COL23A1: variants seen among roughly 807,000 people sequenced by gnomAD.
The protein encoded by COL23A1 is collagen alpha-1(XXIII) chain.
Under a neutral mutation model 99.3 loss-of-function variants are expected in COL23A1, and 97 were observed. That is an observed-to-expected ratio of 0.98 (90% CI 0.83 to 1.16). The LOEUF (loss-of-function observed/expected upper bound fraction) is 1.16. Among genes scored for constraint, COL23A1 ranks in the 50% most tolerant of loss-of-function variants. The probability of loss-of-function intolerance (pLI) is 0.00; values close to 1 mark genes in which losing one functional copy is unlikely to be tolerated. For synonymous variants in COL23A1, 320 were observed against 308.2 expected, an observed-to-expected ratio of 1.04 and a Z score of -0.40; for missense variants, 762 against 757.4, an observed-to-expected ratio of 1.01 and a Z score of -0.07.
chr5:178,464,990 G>A lies in COL23A1; in HGVS notation c.361+95692C>T, dbSNP rs116714720. ...AACAACGCCTTGTAAATGACAACAC[G>A]GTTTTGATGCATGATCATTAACATG... On this transcript the variant is annotated intron_variant, in intron 2 of 28. Transcript: ENST00000390654. Among the ~76,000 whole-genome samples the A allele has an allele frequency of 6.2e-3, 943 of 152,268 alleles. 14 individuals are homozygous for A. Among genetic ancestry groups the A allele is most frequent in the African/African-American group, 0.022 (894 of 41,536 alleles).
intron 2 of COL23A1, among the ~76,000 whole-genome samples, chr5:178,513,967 G>A (rs1053042315): frequency 1.3e-5 from 2 of 151,996 alleles, no homozygotes; most frequent in Non-Finnish European, 2.9e-5. Flanking sequence ...GCACATTCAC[G>A]TTGTTTTGCC....
At chr5:178,328,257 T>C (rs920624310) in intron 2 of COL23A1, among the ~76,000 whole-genome samples, 1 of 152,158 alleles carries the variant, frequency 6.6e-6, no homozygotes, top group African/African-American at 2.4e-5. Flanking sequence ...CCCCTGTCCC[T>C]GTCCACACGC....
rs1020810846 is a variant in COL23A1, at chr5:178,490,108, C to T, written c.361+70574G>A. ...AAAGTTAGCTGGGTGTGGTGGTGGG[C>T]GCCTGTACTCAGGAGGCTGAGGCAG... is the stretch of plus-strand genomic sequence containing the variant. On this transcript the variant is annotated intron_variant, in intron 2 of 28. Transcript: ENST00000390654. Among the ~76,000 whole-genome samples, 20 of 151,822 alleles carry T rather than the reference C, an allele frequency of 1.3e-4. 1 individual carries two copies. Among genetic ancestry groups the T allele is most frequent in the Non-Finnish European group, 1.9e-4 (13 of 67,964 alleles).
intron 2 of COL23A1, among the ~76,000 whole-genome samples, chr5:178,416,116 C>T (rs138861224): frequency 2.9e-3 from 436 of 151,374 alleles, no homozygotes; most frequent in Non-Finnish European, 4.8e-3. Flanking sequence ...CATTCATTCG[C>T]TCGTTGACTA....
At chr5:178,379,969 A>G (rs1763290398) in intron 2 of COL23A1, among the ~76,000 whole-genome samples, 1 of 152,264 alleles carries the variant, frequency 6.6e-6, no homozygotes, top group Middle Eastern at 3.4e-3. Context: ...AGATGAGGAA[A>G]CTGAAGGTCA....
chr5:178,365,424 G>A lies in COL23A1; in HGVS notation c.362-58505C>T, dbSNP rs1017998750. Among the ~76,000 whole-genome samples, 10 of 152,050 alleles carry A rather than the reference G, an allele frequency of 6.6e-5. No individual in the cohort carries two copies. The highest frequency in any genetic ancestry group is 1.5e-4 in the Non-Finnish European group (10 of 68,000). Reference sequence around the variant, plus strand: ...GGCCTCCTCCCTCCCGGACACTCACGCATTTCAGGTCTGACGGGTACCCGC... The same window carrying A: ...GGCCTCCTCCCTCCCGGACACTCACACATTTCAGGTCTGACGGGTACCCGC... On this transcript the variant is annotated intron_variant, in intron 2 of 28. Transcript: ENST00000390654. This position sits in a 1 kb window ranked among gnomAD's most constrained non-coding sequence, Gnocchi z 5.2.
intron 1 of COL23A1, among the ~76,000 whole-genome samples, chr5:178,581,945 C>G (rs1035438667): frequency 1.3e-5 from 2 of 151,938 alleles, no homozygotes; most frequent in African/African-American, 4.8e-5. Flanking sequence ...GAAAGGATTG[C>G]GCAGAAAGTT....
chr5:178,485,796 A>AC (rs1173485468), intron 2 of COL23A1, among the ~76,000 whole-genome samples: 254 of 151,442 alleles, frequency 1.7e-3, no homozygotes, highest in African/African-American at 5.9e-3. Context: ...AAAAAAAAAA[A>AC]AACACAGAAA....
intron 2 of COL23A1, among the ~76,000 whole-genome samples, chr5:178,550,117 C>T (rs1049711958): frequency 2.0e-5 from 3 of 152,310 alleles, no homozygotes; most frequent in East Asian, 1.9e-4. Flanking sequence ...AAGTGCTCTA[C>T]TCCCAGGAAA....
intron 2 of COL23A1, chr5:178,352,043 C>G (rs190490808): frequency 2.6e-5 from 4 of 152,244 alleles, no homozygotes; most frequent in African/African-American, 9.6e-5. Flanking sequence ...GTTGTTGAAA[C>G]CACCCGGTCT....
At chr5:178,537,668 C>T (rs967182396) in intron 2 of COL23A1, among the ~76,000 whole-genome samples, 41 of 152,214 alleles carry the variant, frequency 2.7e-4, no homozygotes, top group African/African-American at 9.9e-4. Context: ...CATCCAGCCA[C>T]AGGGCAAGGC....
intron 2 of COL23A1, among the ~76,000 whole-genome samples, chr5:178,406,752 T>G (rs913028696): frequency 5.3e-5 from 8 of 152,166 alleles, no homozygotes; most frequent in African/African-American, 1.9e-4. Context: ...TTTGAAAACT[T>G]AAAATAATAT....
At chr5:178,469,923 A>G (rs766509607) in intron 2 of COL23A1, among the ~76,000 whole-genome samples, 1 of 152,152 alleles carries the variant, frequency 6.6e-6, no homozygotes, top group Non-Finnish European at 1.5e-5. Flanking sequence ...TTATCTTCCC[A>G]GGCACCTCCT....
chr5:178,239,302 C>A, intron 27 of COL23A1, 123 bp from the exon 28 acceptor site: 1 of 1,084,766 alleles, frequency 9.2e-7, no homozygotes, highest in Non-Finnish European at 1.4e-6. Context: ...GACTGCTGGG[C>A]CCCACTGAGG....
At chr5:178,323,804 G>A (rs774685106) in intron 2 of COL23A1, among the ~76,000 whole-genome samples, 33 of 152,292 alleles carry the variant, frequency 2.2e-4, no homozygotes, top group Admixed American at 1.1e-3. Flanking sequence ...GGGCTGTCCA[G>A]ATGTCTGCTC....
At chr5:178,242,742 ACTGT>A (rs1764475150) in intron 25 of COL23A1, among the ~76,000 whole-genome samples, 1 of 152,190 alleles carries the variant, frequency 6.6e-6, no homozygotes. Context: ...AAGTTATGTC[ACTGT>A]CTGATGGGAT....
chr5:178,489,315 G>A (rs1757803005), intron 2 of COL23A1, among the ~76,000 whole-genome samples: 1 of 152,178 alleles, frequency 6.6e-6, no homozygotes, highest in African/African-American at 2.4e-5. Flanking sequence ...TCTGCCTTTG[G>A]ACTCTGCAAC....
In COL23A1 at chr5:178,266,046, A is replaced by T. The variant is rs545905428; in HGVS notation, c.522+1261T>A. Among the ~76,000 whole-genome samples, 227 of 152,010 alleles carry T rather than the reference A, an allele frequency of 1.5e-3. 1 individual carries two copies. Among genetic ancestry groups the T allele is most frequent in the African/African-American group, 4.9e-3 (202 of 41,442 alleles). ...TTGGAGTCTTAAGCCACTACTTTTTAAATTTTTTTTTTTGGAGACAGTCTC... is the reference window on the plus strand; with the variant it reads ...TTGGAGTCTTAAGCCACTACTTTTTTAATTTTTTTTTTTGGAGACAGTCTC... On this transcript the variant is annotated intron_variant, in intron 8 of 28. Coordinates refer to ENST00000390654, the MANE Select transcript of COL23A1 (RefSeq NM_173465.4).
intron 2 of COL23A1, among the ~76,000 whole-genome samples, chr5:178,497,762 A>C (rs2127979817): frequency 6.6e-6 from 1 of 152,314 alleles, no homozygotes; most frequent in Middle Eastern, 3.4e-3. Context: ...GAGATTAGAT[A>C]AAGCTGAAGA....
Sources: allele counts gnomAD v4.1 joint callset (sites outside exome capture counted in the v4.1 genomes callset), GRCh38; gene constraint gnomAD v4.1.1; non-coding constraint Gnocchi (gnomAD v3.1); transcripts MANE v1.5; gene names NCBI Gene and HGNC (gene_info 2026-07-23, HGNC 2026-07-21).